EPHA6: variants seen among roughly 807,000 people sequenced by gnomAD.
EPHA6 encodes the protein ephrin type-A receptor 6.
A neutral mutation model predicts 112.0 loss-of-function variants in EPHA6; 50 were observed. The ratio of observed to expected loss-of-function variants is 0.45; its 90% CI spans 0.36 to 0.56. EPHA6 has a LOEUF of 0.56. EPHA6 is among the 20% of genes least tolerant of loss of function. The probability of loss-of-function intolerance (pLI) is 0.00; values close to 1 mark genes in which losing one functional copy is unlikely to be tolerated. For synonymous variants in EPHA6, 529 were observed against 490.7 expected (o/e 1.08, Z -1.03); for missense variants, 1,280 against 1,417.4 (o/e 0.90, Z 1.56).
At chr3:96,826,032 T>G (rs1271676298) in intron 1 of EPHA6, among the ~76,000 whole-genome samples, 1 of 151,874 alleles carries the variant, frequency 6.6e-6, no homozygotes, top group Non-Finnish European at 1.5e-5. Flanking sequence ...AACACCCTAT[T>G]GCAGGCATCA....
rs140354413 is a variant in EPHA6, at chr3:97,394,474, T to C, written c.1607-10676T>C. On this transcript the variant is annotated intron_variant, in intron 5 of 17. Coordinates refer to ENST00000389672, the MANE Select transcript of EPHA6 (RefSeq NM_001080448.3). ...ACAGCAAAGGAAATAATCAACAGAA[T>C]GTAGAAAACACCTGCAGTAAGGGAG... is the stretch of plus-strand genomic sequence containing the variant. Among the ~76,000 whole-genome samples, 91 of 151,854 alleles carry C rather than the reference T, an allele frequency of 6.0e-4. 1 individual carries two copies. In the East Asian group the frequency reaches 0.017, roughly 28 times the overall value.
intron 3 of EPHA6, among the ~76,000 whole-genome samples, chr3:97,076,836 C>G (rs2046543216): frequency 6.6e-6 from 1 of 152,110 alleles, no homozygotes; most frequent in African/African-American, 2.4e-5. Flanking sequence ...TGCCTGTGCT[C>G]TGTAAATGGA....
intron 3 of EPHA6, among the ~76,000 whole-genome samples, chr3:97,058,197 A>G (rs1329463171): frequency 1.3e-5 from 2 of 152,158 alleles, no homozygotes; most frequent in Non-Finnish European, 2.9e-5. Flanking sequence ...GCATGTTTAT[A>G]TATAAATATG....
At chr3:97,599,128 G>T (rs2107391409) in intron 12 of EPHA6, among the ~76,000 whole-genome samples, 1 of 152,132 alleles carries the variant, frequency 6.6e-6, no homozygotes, top group East Asian at 1.9e-4. Context: ...ATTTTTTCTT[G>T]TAAATTTGTT....
intron 11 of EPHA6, among the ~76,000 whole-genome samples, chr3:97,559,929 T>C (rs2093165716): frequency 1.3e-5 from 2 of 151,858 alleles, no homozygotes; most frequent in African/African-American, 4.8e-5. Flanking sequence ...ATAAAATTTA[T>C]TCAGAAAATG....
intron 3 of EPHA6, among the ~76,000 whole-genome samples, chr3:97,000,606 A>G (rs1263418689): frequency 6.6e-6 from 1 of 151,784 alleles, no homozygotes. Context: ...TCCAATGAGT[A>G]GAGCATATAT....
At chr3:96,844,523 G>A (rs7614172) in intron 1 of EPHA6, among the ~76,000 whole-genome samples, 29,119 of 151,830 alleles carry the variant, frequency 0.19, 4,620 homozygotes, top group African/African-American at 0.4. Context: ...TATCTCTTTT[G>A]TCTTATAGAG....
intron 6 of EPHA6, among the ~76,000 whole-genome samples, chr3:97,441,983 A>G (rs2090153595): frequency 6.6e-6 from 1 of 152,180 alleles, no homozygotes. Flanking sequence ...GTTATGCTTT[A>G]CAAAGAAAGA....
intron 14 of EPHA6, among the ~76,000 whole-genome samples, chr3:97,668,683 G>T (rs942558327): frequency 2.6e-5 from 4 of 151,956 alleles, no homozygotes; most frequent in East Asian, 3.9e-4. Flanking sequence ...GGAGGCCGAG[G>T]TGGGCAGATC....
rs1405018793 is a variant in EPHA6, at chr3:97,755,027, A to G, written c.*6326A>G. On this transcript the variant is annotated 3_prime_UTR_variant, in exon 18 of 18. Coordinates refer to ENST00000389672, the MANE Select transcript of EPHA6 (RefSeq NM_001080448.3). ...CACAAAGTTTTCTTTTAAACAAAAC[A>G]TGGAAAAGTTCTTGCTTGAACTTTC... 6.6e-6 allele frequency among the ~76,000 whole-genome samples: 1 copy of G among 152,238 alleles called. No homozygotes were observed. The highest frequency in any genetic ancestry group is 1.5e-5 in the Non-Finnish European group (1 of 68,026).
At chr3:97,444,831 C>T (rs1235431937) in intron 6 of EPHA6, among the ~76,000 whole-genome samples, 1 of 152,004 alleles carries the variant, frequency 6.6e-6, no homozygotes, top group Non-Finnish European at 1.5e-5. Flanking sequence ...TTTTAGTTAC[C>T]ATGAAAAGTT....
chr3:97,719,681 T>G (rs2034439069), intron 14 of EPHA6, among the ~76,000 whole-genome samples: 1 of 152,192 alleles, frequency 6.6e-6, no homozygotes, highest in African/African-American at 2.4e-5. Flanking sequence ...ATATTAAAGT[T>G]TTTGAAAGAA....
rs572550080 is a variant in EPHA6, at chr3:97,406,550, C to G, written c.1731+1276C>G. Among the ~76,000 whole-genome samples the G allele has an allele frequency of 2.0e-5, 3 of 152,214 alleles. No homozygotes were observed. In the East Asian group the frequency reaches 5.8e-4, roughly 29 times the overall value. On this transcript the variant is annotated intron_variant, in intron 6 of 17. Coordinates refer to ENST00000389672, the MANE Select transcript of EPHA6 (RefSeq NM_001080448.3). Reference sequence around the variant, plus strand: ...CTCTTGATTCTGTTATAATGGCAATCAAATTAAAACATAAGCTTGGCAGGG... The same window carrying G: ...CTCTTGATTCTGTTATAATGGCAATGAAATTAAAACATAAGCTTGGCAGGG...
intron 5 of EPHA6, among the ~76,000 whole-genome samples, chr3:97,290,350 G>A (rs755731429): frequency 7.2e-5 from 11 of 152,194 alleles, no homozygotes; most frequent in Admixed American, 3.3e-4. Context: ...ACTGATTTGC[G>A]TCTAAGTATG....
At chr3:97,634,489 T>G (rs1299940083) in intron 13 of EPHA6, among the ~76,000 whole-genome samples, 14 of 151,996 alleles carry the variant, frequency 9.2e-5, no homozygotes, top group Non-Finnish European at 8.8e-5. Flanking sequence ...TGGGGTTCCC[T>G]GGGAAAGATT....
At chr3:97,189,246 A>C (rs2077236954) in intron 3 of EPHA6, among the ~76,000 whole-genome samples, 1 of 152,044 alleles carries the variant, frequency 6.6e-6, no homozygotes, top group African/African-American at 2.4e-5. Context: ...ATGTGCCAAC[A>C]ATAATGAGTA....
At chr3:97,205,934 C>T (rs2077703693) in intron 3 of EPHA6, among the ~76,000 whole-genome samples, 1 of 151,994 alleles carries the variant, frequency 6.6e-6, no homozygotes, top group Non-Finnish European at 1.5e-5. Context: ...TAAATTCAGA[C>T]TTACAGGAGT....
chr3:97,636,405 A>G (rs1484966945), intron 13 of EPHA6, among the ~76,000 whole-genome samples: 1 of 152,118 alleles, frequency 6.6e-6, no homozygotes, highest in African/African-American at 2.4e-5. Context: ...TTTGAAACAG[A>G]AAGAGCTAAT....
chr3:97,440,206 T>G (rs1043349493), intron 6 of EPHA6, among the ~76,000 whole-genome samples: 1 of 152,162 alleles, frequency 6.6e-6, no homozygotes, highest in Non-Finnish European at 1.5e-5. Context: ...TTAAGATGTC[T>G]AATTTCCTTA....
Sources: allele counts gnomAD v4.1 joint callset (sites outside exome capture counted in the v4.1 genomes callset), GRCh38; gene constraint gnomAD v4.1.1; transcripts MANE v1.5; gene names NCBI Gene and HGNC (gene_info 2026-07-23, HGNC 2026-07-21).